SLTM: variants seen among roughly 807,000 people sequenced by gnomAD.
The protein encoded by SLTM is SAFB-like transcription modulator.
A neutral mutation model predicts 134.6 loss-of-function variants in SLTM; 43 were observed. The ratio of observed to expected loss-of-function variants is 0.32; its 90% CI spans 0.25 to 0.41. SLTM has a LOEUF of 0.41. Ranked by LOEUF, SLTM falls within the 10% of genes least tolerant of loss-of-function variation. The pLI, the probability that SLTM is intolerant of heterozygous loss-of-function variation, is 1.00. For missense variants in SLTM, 1,055 were observed against 1,288.8 expected, an observed-to-expected ratio of 0.82 and a Z score of 2.78; for synonymous variants, 424 against 432.3, an observed-to-expected ratio of 0.98 and a Z score of 0.24.
At chr15:58,907,545 C>A (rs1223141735) in intron 5 of SLTM, among the ~76,000 whole-genome samples, 1 of 152,124 alleles carries the variant, frequency 6.6e-6, no homozygotes, top group Admixed American at 6.5e-5. Context: ...CACTTGAGCC[C>A]AGGAGGTCAA....
chr15:58,889,217 C>T, intron 16 of SLTM: 2 of 464,964 alleles, frequency 4.3e-6, no homozygotes, highest in Non-Finnish European at 7.6e-6. Context: ...TAATGAAAAA[C>T]ATTTGGCATC....
intron 5 of SLTM, among the ~76,000 whole-genome samples, chr15:58,903,995 T>C (rs565241571): frequency 6.6e-6 from 1 of 152,346 alleles, no homozygotes; most frequent in Non-Finnish European, 1.5e-5. Context: ...TCTCTCTCTT[T>C]CTTTTTCAAA....
At position 58,899,662 on chromosome 15, in the gene SLTM, T is replaced by C; in HGVS notation, c.865A>G (p.Ser289Gly). The C allele has an allele frequency of 1.9e-6, 3 of 1,614,222 alleles. No individual in the cohort carries two copies. The highest frequency in any genetic ancestry group is 2.5e-6 in the Non-Finnish European group (3 of 1,180,024). The change falls in exon 7 of 21, where the codon AGC becomes GGC. Residue 289 changes from serine (S) to glycine (G), a missense_variant. Transcript: ENST00000380516. The surrounding 1 kb of genome is among the most constrained non-coding windows in gnomAD (Gnocchi z 5.0). ...PKDGQDAIAQ[S>G]PEKESKDYEM... ...TAATCCTTGCTTTCCTTCTCCGGGC[T>C]CTGTGCAATGGCGTCCTGCCCATCT...
intron 5 of SLTM, among the ~76,000 whole-genome samples, chr15:58,911,167 A>T (rs1386288815): frequency 6.6e-6 from 1 of 152,074 alleles, no homozygotes; most frequent in Non-Finnish European, 1.5e-5. Flanking sequence ...CAGAAATGCA[A>T]TTTTTCTCCA....
In SLTM at chr15:58,932,414, A is replaced by T; in HGVS notation, c.192T>A (p.Asp64Glu). The T allele has an allele frequency of 1.2e-6, 2 of 1,613,408 alleles. No individual in the cohort carries two copies. Among genetic ancestry groups the T allele is most frequent in the Non-Finnish European group, 1.7e-6 (2 of 1,179,372 alleles). Residue 64 changes from aspartate to glutamate, a missense_variant, in exon 2 of 21, where the codon GAT (aspartate) becomes GAA (glutamate). Physicochemically the swap from Asp to Glu is conservative, Grantham distance 45. Coordinates refer to ENST00000380516, the MANE Select transcript of SLTM (RefSeq NM_024755.4). ...QAIEEEGGDP[D>E]NIELTVSTDT... ...CAGTTGAAACAGTTAATTCAATATT[A>T]TCTGGATCGCCTCCTTCCTCTTCAA...
At position 58,908,758 on chromosome 15, in the gene SLTM, C is replaced by T. The variant is rs570436592; in HGVS notation, c.561+3805G>A. Among the ~76,000 whole-genome samples, 3 of 152,232 alleles carry T rather than the reference C, an allele frequency of 2.0e-5. No homozygotes were observed. The East Asian group carries it at 5.8e-4, about 29-fold the overall frequency. On this transcript the variant is annotated intron_variant, in intron 5 of 20. Coordinates refer to ENST00000380516, the MANE Select transcript of SLTM (RefSeq NM_024755.4). The stretch of plus-strand genomic sequence containing the variant: ...TGTATCAGTGGGTGATACAACCACA[C>T]AGAACGGAAAGAACTTAAAACACAG...
Position 58,912,888 on chromosome 15 carries a change from C to A in SLTM, c.514-278G>T, listed in dbSNP as rs2036383079. 14 of 311,490 alleles carry A rather than the reference C, an allele frequency of 4.5e-5. No individual in the cohort carries two copies. In the South Asian group the frequency reaches 7.1e-4, roughly 16 times the overall value. The allele number at this position is 311,490 out of a possible 1,614,324, so 19.3% of individuals were successfully genotyped here. ...AGCATGAATACTAACAGCACTGACT[C>A]CTTAACCCACTGACTTTCTTAAAAT... On this transcript the variant is annotated intron_variant, in intron 4 of 20. Coordinates refer to ENST00000380516, the MANE Select transcript of SLTM (RefSeq NM_024755.4).
intron 5 of SLTM, among the ~76,000 whole-genome samples, chr15:58,901,801 G>A (rs557508869): frequency 3.9e-5 from 6 of 152,010 alleles, no homozygotes; most frequent in African/African-American, 1.4e-4. Context: ...TACTAGGTCA[G>A]TTTCAAATTA....
intron 3 of SLTM, among the ~76,000 whole-genome samples, chr15:58,914,917 TG>T: frequency 6.6e-6 from 1 of 152,196 alleles, no homozygotes; most frequent in East Asian, 1.9e-4. Flanking sequence ...CTCCTAGGGC[TG>T]GGCATGGTGG....
In SLTM at chr15:58,899,704, C is replaced by T; in HGVS notation, c.823G>A (p.Glu275Lys). The stretch of plus-strand genomic sequence containing the variant: ...TGCCCATCTTTTGGCTTACTTGCTT[C>T]AGAATCTGTAATTTTCACATTTTTA... The part of the protein sequence containing the change: ...TGKNVKITDS[E>K]ASKPKDGQDA... The change falls in exon 7 of 21, where the codon GAA (glutamate) becomes AAA (lysine). Residue 275 changes from glutamate to lysine, a missense_variant. Glu to Lys is a moderately conservative substitution (Grantham distance 56). Transcript: ENST00000380516. The surrounding 1 kb of genome is among the most constrained non-coding windows in gnomAD (Gnocchi z 5.0). 3 of 1,614,164 alleles carry T rather than the reference C, an allele frequency of 1.9e-6. No individual in the cohort carries two copies. The South Asian group carries it at 3.3e-5, about 18-fold the overall frequency.
chr15:58,899,206 T>G lies in SLTM; in HGVS notation c.1058+263A>C. The G allele has an allele frequency of 4.4e-6, 2 of 459,698 alleles. No individual in the cohort carries two copies. The highest frequency in any genetic ancestry group is 7.6e-6 in the Non-Finnish European group (2 of 263,396). 28.5% of individuals were successfully genotyped at this position (459,698 alleles called of 1,614,324 possible). On this transcript the variant is annotated intron_variant, in intron 7 of 20. Coordinates refer to ENST00000380516, the MANE Select transcript of SLTM (RefSeq NM_024755.4). This position sits in a 1 kb window ranked among gnomAD's most constrained non-coding sequence, Gnocchi z 5.0. ...AATAAAACACAAAAAAATTGTCAAT[T>G]TGAAAAAAAAAAACAAAAAACAAAA...
At chr15:58,885,015 A>C (rs2034065177) in intron 19 of SLTM, among the ~76,000 whole-genome samples, 1 of 152,210 alleles carries the variant, frequency 6.6e-6, no homozygotes, top group Non-Finnish European at 1.5e-5. Flanking sequence ...TCTTATATTG[A>C]CTGTAAGAAG....
chr15:58,889,167 A>G, intron 16 of SLTM: 1 of 329,828 alleles, frequency 3.0e-6, no homozygotes. Flanking sequence ...AATCTGTTTA[A>G]TTATTATTGA....
chr15:58,914,221 T>G (rs911293142), intron 3 of SLTM, among the ~76,000 whole-genome samples: 52 of 152,332 alleles, frequency 3.4e-4, no homozygotes, highest in African/African-American at 1.3e-3. Flanking sequence ...GGAACATAGG[T>G]TGGGATTGGA....
At position 58,899,235 on chromosome 15, in the gene SLTM, A is replaced by C. The variant is rs2141024983; in HGVS notation, c.1058+234T>G. On this transcript the variant is annotated intron_variant, in intron 7 of 20. Coordinates refer to ENST00000380516, the MANE Select transcript of SLTM (RefSeq NM_024755.4). This position sits in a 1 kb window ranked among gnomAD's most constrained non-coding sequence, Gnocchi z 5.0. The stretch of plus-strand genomic sequence containing the variant: ...AAAAAAAAAACAAAAAACAAAAAAC[A>C]ACAAAAAAACCAAATATATGCTGAC... 2 of 475,228 alleles carry C rather than the reference A, an allele frequency of 4.2e-6. No individual in the cohort carries two copies. The highest frequency in any genetic ancestry group is 8.8e-5 in the South Asian group (2 of 22,712). 29.4% of individuals were successfully genotyped at this position (475,228 alleles called of 1,614,324 possible).
chr15:58,925,613 C>G (rs2037402238), intron 2 of SLTM, among the ~76,000 whole-genome samples: 1 of 152,152 alleles, frequency 6.6e-6, no homozygotes, highest in African/African-American at 2.4e-5. Context: ...GCTGGGTTTA[C>G]AAGAGTGAGC....
intron 6 of SLTM, chr15:58,900,978 A>G (rs2035447953): frequency 3.1e-6 from 1 of 319,220 alleles, no homozygotes; most frequent in Non-Finnish European, 5.8e-6. Flanking sequence ...ACCGTATACC[A>G]GAAGTTATTT....
chr15:58,895,837 C>G (rs1169931550), intron 9 of SLTM, among the ~76,000 whole-genome samples: 4 of 152,132 alleles, frequency 2.6e-5, no homozygotes, highest in African/African-American at 7.2e-5. Context: ...ACTCAGGCAA[C>G]TCACTAATTG....
intron 19 of SLTM, among the ~76,000 whole-genome samples, chr15:58,885,275 C>T (rs1329467636): frequency 1.3e-5 from 2 of 152,008 alleles, no homozygotes; most frequent in East Asian, 1.9e-4. Context: ...ACTTAGCTTA[C>T]AGGAAAGAAA....
Sources: gnomAD v4.1 joint callset for allele counts (sites outside exome capture counted in the v4.1 genomes callset) on GRCh38, gnomAD v4.1.1 for gene constraint, Gnocchi (gnomAD v3.1) non-coding constraint, MANE v1.5 for transcripts, NCBI Gene and HGNC (gene_info 2026-07-23, HGNC 2026-07-21) for gene names.